SPHKAP: variants seen among roughly 807,000 people sequenced by gnomAD.
SPHKAP encodes the protein A-kinase anchor protein SPHKAP.
Under a neutral mutation model 137.5 loss-of-function variants are expected in SPHKAP, and 67 were observed. That is an observed-to-expected ratio of 0.49 (90% CI 0.40 to 0.60). The LOEUF is 0.60. SPHKAP is among the 20% of genes least tolerant of loss of function. The pLI is 0.00. For synonymous variants in SPHKAP, 813 were observed against 785.3 expected (o/e 1.04, Z -0.59); for missense variants, 2,097 against 2,069.3 (o/e 1.01, Z -0.26).
chr2:228,033,306 A>G (rs917745932), intron 3 of SPHKAP, among the ~76,000 whole-genome samples: 18 of 152,234 alleles, frequency 1.2e-4, no homozygotes, highest in African/African-American at 4.3e-4. Flanking sequence ...TGGTAAAGGG[A>G]TCAATTCAAC....
intron 7 of SPHKAP, among the ~76,000 whole-genome samples, chr2:227,997,007 C>T (rs1378886894): frequency 6.6e-6 from 1 of 152,122 alleles, no homozygotes; most frequent in Non-Finnish European, 1.5e-5. Flanking sequence ...ACATTTAGAC[C>T]TTGTGTGCTT....
In SPHKAP at chr2:228,018,287, G is replaced by C. The variant is rs1278696893; in HGVS notation, c.2567C>G (p.Ser856Cys). The change falls in exon 7 of 12, where the codon TCT (serine) becomes TGT (cysteine). Residue 856 changes from serine to cysteine, a missense_variant. Ser to Cys is a moderately radical substitution (Grantham distance 112). Transcript: ENST00000392056. Reference sequence around the variant, plus strand: ...CGTTGGGGACCTTTGTCCTTCGGAAGAGGCTCTGCATTCATTCTCACTGTG... The same window carrying C: ...CGTTGGGGACCTTTGTCCTTCGGAACAGGCTCTGCATTCATTCTCACTGTG... ...PHHSENECRA[S>C]SEGQRSPTVS... 17 of 1,614,236 alleles carry C rather than the reference G, an allele frequency of 1.1e-5. No individual in the cohort carries two copies. The South Asian group carries it at 1.6e-4, about 16-fold the overall frequency.
chr2:228,117,968 C>A (rs1038144607), intron 2 of SPHKAP, among the ~76,000 whole-genome samples: 4 of 151,362 alleles, frequency 2.6e-5, no homozygotes, highest in Non-Finnish European at 4.4e-5. Flanking sequence ...GATAAAAAGA[C>A]AATATTTTAG....
At chr2:228,172,919 T>C (rs1248305549) in intron 1 of SPHKAP, 1 of 483,252 alleles carries the variant, frequency 2.1e-6, no homozygotes. Context: ...AATCATATTA[T>C]GTCACTATGT....
At chr2:227,995,218 A>G (rs1022179612) in intron 8 of SPHKAP, among the ~76,000 whole-genome samples, 1 of 152,214 alleles carries the variant, frequency 6.6e-6, no homozygotes, top group Non-Finnish European at 1.5e-5. Context: ...GCAGCTCACC[A>G]TTTAAAAACA....
intron 11 of SPHKAP, among the ~76,000 whole-genome samples, chr2:227,984,528 T>G (rs1317873162): frequency 6.6e-6 from 1 of 152,158 alleles, no homozygotes; most frequent in Non-Finnish European, 1.5e-5. Flanking sequence ...AAAATAATTT[T>G]GTGAGCTGTT....
At position 228,019,326 on chromosome 2, in the gene SPHKAP, T is replaced by G. The variant is rs762515585; in HGVS notation, c.1528A>C (p.Ile510Leu). 29 of 1,613,990 alleles carry G rather than the reference T, an allele frequency of 1.8e-5. No individual in the cohort carries two copies. Among genetic ancestry groups the G allele is most frequent in the Non-Finnish European group, 2.5e-5 (29 of 1,180,028 alleles). The change falls in exon 7 of 12, where the codon ATT (isoleucine) becomes CTT (leucine). Residue 510 changes from isoleucine to leucine, a missense_variant. Coordinates refer to ENST00000392056, the MANE Select transcript of SPHKAP (RefSeq NM_001142644.2). ...CTTTCTGTGGCCTGTGGACTGGAAA[T>G]AGTTCCAATCACAGTGGCTGCACAA... ...LACAATVIGT[I>L]SSPQATERLK...
In SPHKAP at chr2:228,108,848, G is replaced by C; in HGVS notation, c.230C>G (p.Ser77Cys). The C allele has an allele frequency of 6.2e-7, 1 of 1,608,546 alleles. No homozygotes were observed. The highest frequency in any genetic ancestry group is 8.5e-7 in the Non-Finnish European group (1 of 1,178,416). ...PCQIGFVEDK[S>C]ENCASVCFVN... Reference sequence around the variant, plus strand: ...TGTACTTACAGAAGCACAGTTTTCAGACTTGTCTTCTACAAAACCAATTTG... The same window carrying C: ...TGTACTTACAGAAGCACAGTTTTCACACTTGTCTTCTACAAAACCAATTTG... The change falls in exon 3 of 12, where the codon TCT (serine) becomes TGT (cysteine). Residue 77 changes from serine (S) to cysteine (C), a missense_variant. Physicochemically the swap from Ser to Cys is moderately radical, Grantham distance 112 (BLOSUM62 -1). Coordinates refer to ENST00000392056, the MANE Select transcript of SPHKAP (RefSeq NM_001142644.2).
Position 228,025,484 on chromosome 2 carries a change from G to A in SPHKAP, c.351C>T (p.Ser117=), listed in dbSNP as rs1382639709. 6 of 1,613,792 alleles carry A rather than the reference G, an allele frequency of 3.7e-6. No individual in the cohort carries two copies. The African/African-American group carries it at 8.0e-5, about 22-fold the overall frequency. Residue 117 remains serine (S), a synonymous_variant, in exon 5 of 12, where the codon TCC becomes TCT. Coordinates refer to ENST00000392056, the MANE Select transcript of SPHKAP (RefSeq NM_001142644.2). ...TTTCTTTTGGTTGTTGGACATTCATGGAACTGATAAGTTTTGGAAGATCTG... is the reference window on the plus strand; with the variant it reads ...TTTCTTTTGGTTGTTGGACATTCATAGAACTGATAAGTTTTGGAAGATCTG... ...VSPDLPKLIS[S]MNVQQPKENE...
intron 3 of SPHKAP, among the ~76,000 whole-genome samples, chr2:228,038,363 T>C (rs1307598749): frequency 6.6e-6 from 1 of 151,962 alleles, no homozygotes; most frequent in African/African-American, 2.4e-5. Context: ...TGAAATAAAG[T>C]TTTTATTTTT....
At chr2:228,075,057 A>G (rs1255277047) in intron 3 of SPHKAP, among the ~76,000 whole-genome samples, 1 of 152,180 alleles carries the variant, frequency 6.6e-6, no homozygotes, top group Non-Finnish European at 1.5e-5. Context: ...GAAAGGGCAG[A>G]GGGTATGTTT....
chr2:228,155,005 C>CA (rs1010386635), intron 1 of SPHKAP, among the ~76,000 whole-genome samples: 12 of 151,992 alleles, frequency 7.9e-5, no homozygotes, highest in African/African-American at 2.9e-4. Context: ...TCCCAGGTAC[C>CA]ATTAGGCATT....
chr2:228,070,560 TGAA>T (rs1696974316), intron 3 of SPHKAP, among the ~76,000 whole-genome samples: 1 of 152,174 alleles, frequency 6.6e-6, no homozygotes, highest in Non-Finnish European at 1.5e-5. Context: ...AGAGCAGTCT[TGAA>T]GAATAGGAAC....
chr2:228,015,613 T>A (rs1428212665), intron 7 of SPHKAP, among the ~76,000 whole-genome samples: 2 of 152,164 alleles, frequency 1.3e-5, no homozygotes, highest in African/African-American at 4.8e-5. Flanking sequence ...CTCAGAGAAA[T>A]TATTACCTTG....
chr2:227,999,182 G>T (rs1026019689), intron 7 of SPHKAP, among the ~76,000 whole-genome samples: 4 of 152,298 alleles, frequency 2.6e-5, no homozygotes, highest in Middle Eastern at 6.8e-3. Context: ...GCTTGATCCT[G>T]ACAGTCCTTC....
intron 1 of SPHKAP, among the ~76,000 whole-genome samples, chr2:228,177,893 T>G (rs1470527222): frequency 6.6e-6 from 1 of 152,140 alleles, no homozygotes; most frequent in Non-Finnish European, 1.5e-5. Context: ...ATATAAAAAT[T>G]TTATTATTAA....
At chr2:228,136,421 T>C (rs1289611952) in intron 1 of SPHKAP, among the ~76,000 whole-genome samples, 1 of 152,236 alleles carries the variant, frequency 6.6e-6, no homozygotes, top group East Asian at 1.9e-4. Context: ...AACAATTTCA[T>C]ATATTAATAA....
At chr2:228,170,588 A>G (rs1204216747) in intron 1 of SPHKAP, among the ~76,000 whole-genome samples, 1 of 152,130 alleles carries the variant, frequency 6.6e-6, no homozygotes, top group African/African-American at 2.4e-5. Flanking sequence ...GCAAAAGATC[A>G]TAACTCTCTG....
intron 5 of SPHKAP, among the ~76,000 whole-genome samples, chr2:228,024,681 G>A (rs942720988): frequency 3.9e-5 from 6 of 152,000 alleles, no homozygotes; most frequent in Non-Finnish European, 7.4e-5. Context: ...AACAATTTGT[G>A]GAAAACAAAT....
Sources: gnomAD v4.1 joint callset for allele counts (sites outside exome capture counted in the v4.1 genomes callset) on GRCh38, gnomAD v4.1.1 for gene constraint, MANE v1.5 for transcripts, NCBI Gene and HGNC (gene_info 2026-07-23, HGNC 2026-07-21) for gene names.